DRICH1: variants seen among roughly 807,000 people sequenced by gnomAD.
The protein encoded by DRICH1 is aspartate-rich protein 1.
Under a neutral mutation model 39.5 loss-of-function variants are expected in DRICH1, and 38 were observed. That is an observed-to-expected ratio of 0.96 (90% CI 0.74 to 1.26). The LOEUF is 1.26. DRICH1 is among the 50% of genes most tolerant of loss of function. The pLI is 0.00. For missense variants in DRICH1, 279 were observed against 270.4 expected, an observed-to-expected ratio of 1.03 and a Z score of -0.22; for synonymous variants, 84 against 99.5, an observed-to-expected ratio of 0.84 and a Z score of 0.93.
the DRICH1 span, among the ~76,000 whole-genome samples, chr22:23,582,849 T>C: frequency 1.4e-5 from 2 of 138,140 alleles, no homozygotes; most frequent in African/African-American, 5.5e-5. Flanking sequence ...GCGTGAGCCA[T>C]CGTGCCCGGC....
chr22:23,598,434 C>T, the DRICH1 span, among the ~76,000 whole-genome samples: 5 of 151,946 alleles, frequency 3.3e-5, no homozygotes, highest in African/African-American at 1.2e-4. Context: ...TGTTATCACC[C>T]CCGTGTACAG....
chr22:23,601,035 A>G, the DRICH1 span, among the ~76,000 whole-genome samples: 1 of 152,166 alleles, frequency 6.6e-6, no homozygotes, highest in African/African-American at 2.4e-5. Flanking sequence ...GTTTTTATCC[A>G]AACGGAATGA....
chr22:23,608,774 T>G lies in DRICH1; in HGVS notation c.686-6A>C. On this transcript the variant is annotated splice_polypyrimidine_tract_variant and splice_region_variant and intron_variant, in intron 11 of 11. Transcript: ENST00000317749. The stretch of plus-strand genomic sequence containing the variant: ...CTCCACAGAAGGGCTTCACCCTGGA[T>G]GAAGAGATAATCCCTTTTTAGTGAG... 1.3e-6 allele frequency: 2 copies of G among 1,560,490 alleles called. No individual in the cohort carries two copies. The highest frequency in any genetic ancestry group is 3.8e-5 in the Admixed American group (2 of 52,232).
chr22:23,598,479 C>A, the DRICH1 span, among the ~76,000 whole-genome samples: 1 of 152,142 alleles, frequency 6.6e-6, no homozygotes, highest in African/African-American at 2.4e-5. Flanking sequence ...GGGAGTCAAA[C>A]TGCCCGAGGT....
At chr22:23,616,937 GA>G in intron 7 of DRICH1, 63 bp from the exon 8 acceptor site, 1 of 1,575,186 alleles carries the variant, frequency 6.3e-7, no homozygotes, top group African/African-American at 1.3e-5. Context: ...CCCTTACACA[GA>G]TCTGTTAGTC....
chr22:23,625,912 G>T, intron 2 of DRICH1, 69 bp downstream of exon 2: 1 of 1,268,264 alleles, frequency 7.9e-7, no homozygotes, highest in Non-Finnish European at 1.2e-6. Context: ...TTTGGGTTTA[G>T]ATGGGTGAAT....
chr22:23,622,165 C>T lies in DRICH1; in HGVS notation c.310G>A (p.Asp104Asn). ...LPSPVQGSSE[D>N]NLSLVCLPRS... ...GGTAGGCATACTAAACTCAGGTTGT[C>T]CTCAGAAGAACCTGGAAGGACACAG... The change falls in exon 4 of 12, where the codon GAC (aspartate) becomes AAC (asparagine). Residue 104 changes from aspartate to asparagine, a missense_variant. Transcript: ENST00000317749. 1 of 1,613,992 alleles carries T rather than the reference C, an allele frequency of 6.2e-7. No individual in the cohort carries two copies. Among genetic ancestry groups the T allele is most frequent in the East Asian group, 2.2e-5 (1 of 44,872 alleles).
intron 4 of DRICH1, among the ~76,000 whole-genome samples, 194 bp downstream of exon 4, chr22:23,621,897 T>C (rs763866103): frequency 1.3e-5 from 2 of 151,930 alleles, no homozygotes; most frequent in Non-Finnish European, 2.9e-5. Context: ...AGTGAGACTC[T>C]GTCTCAAACA....
intron 5 of DRICH1, 85 bp from the exon 6 acceptor site, chr22:23,619,478 G>A: frequency 1.3e-6 from 1 of 756,204 alleles, no homozygotes; most frequent in Non-Finnish European, 2.5e-6. Flanking sequence ...AAAAAGAACA[G>A]TGTTGGAGGA....
chr22:23,588,518 G>T, the DRICH1 span, among the ~76,000 whole-genome samples: 1 of 152,228 alleles, frequency 6.6e-6, no homozygotes. Flanking sequence ...CTTCCTTCTT[G>T]CAGGTCACAC....
At chr22:23,620,531 G>T (rs2123781440) in intron 5 of DRICH1, 63 bp downstream of exon 5, 2 of 1,548,248 alleles carry the variant, frequency 1.3e-6, no homozygotes, top group Admixed American at 1.7e-5. Flanking sequence ...CCAGATTAAG[G>T]TTCCTATATA....
At chr22:23,624,363 G>C (rs1231067486) in intron 3 of DRICH1, 2 of 983,170 alleles carry the variant, frequency 2.0e-6, no homozygotes, top group African/African-American at 3.5e-5. Flanking sequence ...CAAAAACACA[G>C]GATACTCAAT....
At chr22:23,600,760 CCT>C in the DRICH1 span, among the ~76,000 whole-genome samples, 1 of 151,690 alleles carries the variant, frequency 6.6e-6, no homozygotes, top group African/African-American at 2.4e-5. Flanking sequence ...GCAAGCTCTG[CCT>C]CCCGGGTTCA....
the DRICH1 span, among the ~76,000 whole-genome samples, chr22:23,590,167 G>T: frequency 6.6e-6 from 1 of 152,166 alleles, no homozygotes; most frequent in Non-Finnish European, 1.5e-5. Context: ...CATGAATCCT[G>T]GCTAGGGGTG....
the DRICH1 span, among the ~76,000 whole-genome samples, chr22:23,587,236 T>C: frequency 1.3e-5 from 2 of 152,164 alleles, no homozygotes; most frequent in Non-Finnish European, 2.9e-5. Context: ...TTATAGACCA[T>C]GTCAGAGAGC....
chr22:23,624,943 C>G (rs1175670834), intron 2 of DRICH1, 39 bp from the exon 3 acceptor site: 23 of 1,607,272 alleles, frequency 1.4e-5, no homozygotes, highest in Non-Finnish European at 1.8e-5. Flanking sequence ...AGGATCAGAT[C>G]AATTCTGCTG....
At chr22:23,595,669 G>T in the DRICH1 span, among the ~76,000 whole-genome samples, 3 of 152,208 alleles carry the variant, frequency 2.0e-5, no homozygotes, top group African/African-American at 7.2e-5. Flanking sequence ...AGTTTTGGGG[G>T]TCAGACCAAC....
chr22:23,608,788 CT>C lies in DRICH1; in HGVS notation c.686-21del. On this transcript the variant is annotated intron_variant, in intron 11 of 11. Transcript: ENST00000317749. ...TTCACCCTGGATGAAGAGATAATCCCTTTTTAGTGAGAGCAGGCTCCCAGCT... is the reference window on the plus strand; with the variant it reads ...TTCACCCTGGATGAAGAGATAATCCCTTTTAGTGAGAGCAGGCTCCCAGCT... 1 of 1,558,360 alleles carries C rather than the reference CT, an allele frequency of 6.4e-7. No individual in the cohort carries two copies. Among genetic ancestry groups the C allele is most frequent in the Non-Finnish European group, 8.7e-7 (1 of 1,149,758 alleles).
At chr22:23,610,386 C>A (rs889453174) in intron 11 of DRICH1, 6 of 152,178 alleles carry the variant, frequency 3.9e-5, no homozygotes, top group African/African-American at 7.2e-5. Context: ...CTATGCCATA[C>A]CAAGTAAGAC....
Sources: allele counts gnomAD v4.1 joint callset (sites outside exome capture counted in the v4.1 genomes callset), GRCh38; gene constraint gnomAD v4.1.1; transcripts MANE v1.5; gene names NCBI Gene and HGNC (gene_info 2026-07-23, HGNC 2026-07-21).